Variants in KCNMA1 observed in about 807,000 individuals in gnomAD.
The protein encoded by KCNMA1 is Calcium-activated potassium channel subunit alpha-1.
KCNMA1 carries 29 observed loss-of-function variants against 140.0 expected under a neutral mutation model. That is an observed-to-expected ratio of 0.21 (90% CI 0.15 to 0.28). KCNMA1 has a LOEUF of 0.28. Among genes scored for constraint, KCNMA1 ranks in the 10% least tolerant of loss-of-function variants. The pLI is 1.00. For synonymous variants in KCNMA1, 612 were observed against 611.9 expected (o/e 1.00, Z 0.00); for missense variants, 880 against 1,602.2 (o/e 0.55, Z 7.70).
chr10:77,389,545 G>C (rs1355387637), intron 2 of KCNMA1, among the ~76,000 whole-genome samples: 1 of 152,086 alleles, frequency 6.6e-6, no homozygotes, highest in Non-Finnish European at 1.5e-5. Context: ...TGGAAAGGAG[G>C]CTCTTCCAGT....
intron 3 of KCNMA1, among the ~76,000 whole-genome samples, chr10:77,186,143 C>A (rs889447851): frequency 6.6e-6 from 1 of 152,090 alleles, no homozygotes. Context: ...TAGAGGAACT[C>A]GGGGCCCACT....
intron 3 of KCNMA1, among the ~76,000 whole-genome samples, chr10:77,209,302 T>C (rs1288165641): frequency 6.6e-6 from 1 of 152,148 alleles, no homozygotes; most frequent in African/African-American, 2.4e-5. Flanking sequence ...CAGCCCTAAT[T>C]GAATTCTTAT....
chr10:76,884,796 G>A, downstream of KCNMA1: 2 of 724,010 alleles, frequency 2.8e-6, no homozygotes, highest in Non-Finnish European at 4.1e-6. Context: ...GAGGGAAAGG[G>A]GAGGGGGGGA....
intron 2 of KCNMA1, among the ~76,000 whole-genome samples, chr10:77,398,974 G>A (rs2096168253): frequency 6.6e-6 from 1 of 152,120 alleles, no homozygotes; most frequent in Non-Finnish European, 1.5e-5. Context: ...TTCCAAATAG[G>A]AGTAAGAAAA....
At chr10:77,384,924 A>G (rs903606295) in intron 2 of KCNMA1, among the ~76,000 whole-genome samples, 3 of 152,230 alleles carry the variant, frequency 2.0e-5, no homozygotes, top group Non-Finnish European at 4.4e-5. Context: ...TGGGTCATCG[A>G]GTCATGAGAT....
chr10:77,011,951 G>A lies in KCNMA1; in HGVS notation c.2092+16C>T. 1.2e-6 allele frequency: 2 copies of A among 1,609,454 alleles called. No homozygotes were observed. The highest frequency in any genetic ancestry group is 1.7e-6 in the Non-Finnish European group (2 of 1,175,772). On this transcript the variant is annotated intron_variant, in intron 18 of 27. Coordinates refer to ENST00000286628, the MANE Select transcript of KCNMA1 (RefSeq NM_001161352.2). ...GAATGAGAAAGGGAGGGGACAGGGA[G>A]AGAAACACTACTTACGCCGTTTGCA...
chr10:77,595,296 A>G (rs550000240), intron 1 of KCNMA1, among the ~76,000 whole-genome samples: 32 of 137,696 alleles, frequency 2.3e-4, no homozygotes, highest in African/African-American at 8.7e-4. Context: ...GCAGTGAGCC[A>G]AGATCACGCC....
At chr10:76,923,822 AAAACAAAC>A (rs140429877) in intron 23 of KCNMA1, among the ~76,000 whole-genome samples, 5,905 of 152,086 alleles carry the variant, frequency 0.039, 352 homozygotes, top group African/African-American at 0.12. Flanking sequence ...GTCTCTACTA[AAAACAAAC>A]AAACAAACAA....
At chr10:77,092,103 T>C (rs143718608) in intron 9 of KCNMA1, 132 of 152,226 alleles carry the variant, frequency 8.7e-4, no homozygotes, top group African/African-American at 3.1e-3. Context: ...TCCTGCTAGG[T>C]TGATGAAGGT....
chr10:77,564,818 C>A (rs140521577), intron 1 of KCNMA1, among the ~76,000 whole-genome samples: 1 of 152,116 alleles, frequency 6.6e-6, no homozygotes, highest in African/African-American at 2.4e-5. Context: ...GGTCAGAGGG[C>A]GGACTCTTTG....
At chr10:77,437,380 C>T (rs1273789168) in intron 1 of KCNMA1, among the ~76,000 whole-genome samples, 1 of 152,188 alleles carries the variant, frequency 6.6e-6, no homozygotes, top group Non-Finnish European at 1.5e-5. Context: ...ATAGCCTTTT[C>T]TGTGATTGAA....
At chr10:77,214,762 A>G (rs2047172088) in intron 3 of KCNMA1, among the ~76,000 whole-genome samples, 1 of 150,482 alleles carries the variant, frequency 6.6e-6, no homozygotes, top group African/African-American at 2.5e-5. Flanking sequence ...TCTGCCTGAA[A>G]CCCTCTCCTC....
At chr10:77,287,424 A>G (rs1166511548) in intron 2 of KCNMA1, among the ~76,000 whole-genome samples, 1 of 152,176 alleles carries the variant, frequency 6.6e-6, no homozygotes, top group Admixed American at 6.5e-5. Context: ...TGTTGCATTC[A>G]CTTTAGCAAT....
At chr10:77,147,995 A>G (rs149981080) in intron 5 of KCNMA1, among the ~76,000 whole-genome samples, 1 of 152,164 alleles carries the variant, frequency 6.6e-6, no homozygotes, top group African/African-American at 2.4e-5. Context: ...AAGACTGAGA[A>G]AGGGACACTT....
chr10:77,303,807 G>T (rs771381425), intron 2 of KCNMA1, among the ~76,000 whole-genome samples: 4 of 152,178 alleles, frequency 2.6e-5, no homozygotes, highest in Non-Finnish European at 5.9e-5. Context: ...CAGGGTCTGT[G>T]CTCTTCGCCA....
chr10:77,487,606 A>G (rs925618499), intron 1 of KCNMA1, among the ~76,000 whole-genome samples: 1 of 152,174 alleles, frequency 6.6e-6, no homozygotes, highest in African/African-American at 2.4e-5. Flanking sequence ...ATTGTTTGTC[A>G]TGGGCAATTC....
At chr10:76,902,386 G>C (rs528227669) in intron 25 of KCNMA1, 42 of 152,330 alleles carry the variant, frequency 2.8e-4, no homozygotes, top group African/African-American at 1.0e-3. Context: ...GCCTTACCAT[G>C]ATACCTGTGC....
At chr10:77,020,486 A>G (rs980427375) in intron 16 of KCNMA1, 1 of 152,230 alleles carries the variant, frequency 6.6e-6, no homozygotes, top group African/African-American at 2.4e-5. Context: ...CCAAAAGGCT[A>G]TGAAGATTTA....
intron 2 of KCNMA1, among the ~76,000 whole-genome samples, chr10:77,332,230 A>C (rs2086706082): frequency 1.3e-5 from 2 of 152,164 alleles, no homozygotes. Flanking sequence ...GGAGTTGGCC[A>C]GGGGATGAGA....
Sources: gnomAD v4.1 joint callset for allele counts (sites outside exome capture counted in the v4.1 genomes callset) on GRCh38, gnomAD v4.1.1 for gene constraint, MANE v1.5 for transcripts, NCBI Gene and HGNC (gene_info 2026-07-23, HGNC 2026-07-21) for gene names.